The following SHLD3 variants were observed in gnomAD, a reference collection of about 807,000 sequenced individuals.
The protein encoded by SHLD3 is REV7-interacting novel NHEJ regulator 1.
Under a neutral mutation model 21.4 loss-of-function variants are expected in SHLD3, and 15 were observed. That is an observed-to-expected ratio of 0.70 (90% CI 0.47 to 1.08). The LOEUF (loss-of-function observed/expected upper bound fraction) is 1.08, where lower values mean the gene tolerates loss of function less well. Among genes scored for constraint, SHLD3 ranks in the 50% least tolerant of loss-of-function variants. The pLI, the probability that SHLD3 is intolerant of heterozygous loss-of-function variation, is 0.00. For missense variants in SHLD3, 273 were observed against 286.1 expected, an observed-to-expected ratio of 0.95 and a Z score of 0.33; for synonymous variants, 103 against 97.2, an observed-to-expected ratio of 1.06 and a Z score of -0.35.
chr5:65,629,725 G>A lies in SHLD3; in HGVS notation c.138G>A (p.Gly46=), dbSNP rs1223877047. The A allele has an allele frequency of 6.5e-6, 10 of 1,535,934 alleles. No individual in the cohort carries two copies. The highest frequency in any genetic ancestry group is 8.7e-6 in the Non-Finnish European group (10 of 1,146,908). The change falls in exon 2 of 2, where the codon GGG becomes GGA. Residue 46 remains glycine, a synonymous_variant. Transcript: ENST00000510585. The part of the protein sequence containing the change: ...SRFIPWFPYD[G]SKLPLRPKRS... ...TTATACCTTGGTTTCCATATGATGG[G>A]TCCAAGCTTCCACTCAGACCTAAAA...
chr5:65,627,626 A>C (rs552774714), intron 1 of SHLD3, among the ~76,000 whole-genome samples: 2,061 of 110,580 alleles, frequency 0.019, 49 homozygotes, highest in African/African-American at 0.086. Context: ...ACTCTGTCTC[A>C]AAAAAAAAAA....
At chr5:65,626,604 C>T (rs1429813277) in intron 1 of SHLD3, among the ~76,000 whole-genome samples, 1 of 151,934 alleles carries the variant, frequency 6.6e-6, no homozygotes, top group Non-Finnish European at 1.5e-5. Flanking sequence ...GGCGTGGTGG[C>T]GGGCGCCTGT....
Position 65,630,183 on chromosome 5 carries a change from C to A in SHLD3, c.596C>A (p.Ser199Tyr), listed in dbSNP as rs1475177775. The change falls in exon 2 of 2, where the codon TCT becomes TAT. Residue 199 changes from serine to tyrosine, a missense_variant. Transcript: ENST00000510585. The stretch of plus-strand genomic sequence containing the variant: ...ATTATTAGGCACAATGAACTTCCAT[C>A]TTGTAATGCTACAATTCAGAGGCAT... ...NQIIRHNELP[S>Y]CNATIQRHLG... The A allele has an allele frequency of 6.5e-7, 1 of 1,535,976 alleles. No homozygotes were observed. Among genetic ancestry groups the A allele is most frequent in the Non-Finnish European group, 8.7e-7 (1 of 1,146,842 alleles).
At chr5:65,626,553 T>G (rs1045738756) in intron 1 of SHLD3, among the ~76,000 whole-genome samples, 2 of 152,100 alleles carry the variant, frequency 1.3e-5, no homozygotes, top group East Asian at 1.9e-4. Flanking sequence ...CTGGCTAACA[T>G]AGTGAAACCC....
At chr5:65,625,203 C>A in intron 1 of SHLD3, 97 bp downstream of exon 1, 1 of 1,020,970 alleles carries the variant, frequency 9.8e-7, no homozygotes, top group Non-Finnish European at 1.6e-6. Flanking sequence ...CTTAAACACT[C>A]AGTGCTCGCC....
chr5:65,629,504 T>A lies in SHLD3; in HGVS notation c.-84T>A. The A allele has an allele frequency of 2.1e-6, 3 of 1,438,968 alleles. No individual in the cohort carries two copies. The highest frequency in any genetic ancestry group is 2.7e-6 in the Non-Finnish European group (3 of 1,101,678). The allele number at this position is 1,438,968 out of a possible 1,614,324, so 89.1% of individuals were successfully genotyped here. A position where few individuals can be genotyped will look rare whatever the true frequency, so the allele number is the denominator to read the frequency against. On this transcript the variant is annotated 5_prime_UTR_variant, in exon 2 of 2. It adds an upstream start codon to the 5' untranslated region. Coordinates refer to ENST00000510585, the MANE Select transcript of SHLD3 (RefSeq NM_001365341.2). ...CTCTGATTTGGCAAGAGAGACAATC[T>A]TGCAATAATAAATTAACATTCTAGC...
rs773933994 is a variant in SHLD3, at chr5:65,630,320, G to T, written c.733G>T (p.Gly245Cys). The T allele has an allele frequency of 4.6e-6, 7 of 1,518,132 alleles. No homozygotes were observed. Among genetic ancestry groups the T allele is most frequent in the Non-Finnish European group, 6.2e-6 (7 of 1,136,064 alleles). The allele number at this position is 1,518,132 out of a possible 1,614,324, so 94.0% of individuals were successfully genotyped here. Residue 245 changes from glycine to cysteine, a missense_variant, in exon 2 of 2, where the codon GGT becomes TGT. Gly to Cys is a radical substitution (Grantham distance 159). Transcript: ENST00000510585. ...GKINLFVHKY[G>C]VIFSM ...AATTAATTTATTTGTGCATAAATAT[G>T]GTGTTATTTTTAGTATGTAATGAAT...
rs887201581 is a variant in SHLD3, at chr5:65,630,854, G to A, written c.*514G>A. ...TGTATACTTTGCCTAAAACGATAAT[G>A]TATCCTGTTTTGAAGGAAAGTATCA... On this transcript the variant is annotated 3_prime_UTR_variant, in exon 2 of 2. Transcript: ENST00000510585. 4 of 201,996 alleles carry A rather than the reference G, an allele frequency of 2.0e-5. No individual in the cohort carries two copies. Among genetic ancestry groups the A allele is most frequent in the Non-Finnish European group, 3.5e-5 (4 of 113,518 alleles). The allele number at this position is 201,996 out of a possible 1,614,324, so 12.5% of individuals were successfully genotyped here.
intron 1 of SHLD3, chr5:65,626,312 G>C (rs1478851125): frequency 6.6e-6 from 1 of 152,206 alleles, no homozygotes; most frequent in Non-Finnish European, 1.5e-5. Flanking sequence ...CTCTTTCCAA[G>C]AGTCCGTGTT....
chr5:65,625,392 A>G, intron 1 of SHLD3: 1 of 409,998 alleles, frequency 2.4e-6, no homozygotes, highest in Non-Finnish European at 4.4e-6. Context: ...TACCGTGGAG[A>G]TCTCTGTGAA....
At chr5:65,625,128 T>TC in intron 1 of SHLD3, 22 bp downstream of exon 1, 1 of 1,605,396 alleles carries the variant, frequency 6.2e-7, no homozygotes, top group Non-Finnish European at 8.5e-7. Flanking sequence ...CGAACCTGAT[T>TC]CCCCCTTTTC....
rs189764790 is a variant in SHLD3, at chr5:65,630,650, T to G, written c.*310T>G. On this transcript the variant is annotated 3_prime_UTR_variant, in exon 2 of 2. Transcript: ENST00000510585. ...ATCTCTAAAATCTAATTTTACTGTATTTTTTTCCTTACCTCAAGTGTAATT... is the reference window on the plus strand; with the variant it reads ...ATCTCTAAAATCTAATTTTACTGTAGTTTTTTCCTTACCTCAAGTGTAATT... 4 of 1,018,694 alleles carry G rather than the reference T, an allele frequency of 3.9e-6. No individual in the cohort carries two copies. In the East Asian group the frequency reaches 2.7e-4, roughly 69 times the overall value. 63.1% of individuals were successfully genotyped at this position (1,018,694 alleles called of 1,614,324 possible).
At position 65,630,424 on chromosome 5, in the gene SHLD3, A is replaced by G. The variant is rs1283589550; in HGVS notation, c.*84A>G. On this transcript the variant is annotated 3_prime_UTR_variant, in exon 2 of 2. Transcript: ENST00000510585. ...GATAAAATAATTTTTACAGGTTTTA[A>G]AATTTTTAATGACTTTTTAGAATTC... 1 of 1,404,438 alleles carries G rather than the reference A, an allele frequency of 7.1e-7. No individual in the cohort carries two copies. The highest frequency in any genetic ancestry group is 9.2e-7 in the Non-Finnish European group (1 of 1,086,138). 87.0% of individuals were successfully genotyped at this position (1,404,438 alleles called of 1,614,324 possible).
At chr5:65,628,658 G>A (rs932228942) in intron 1 of SHLD3, among the ~76,000 whole-genome samples, 7 of 151,582 alleles carry the variant, frequency 4.6e-5, no homozygotes, top group Non-Finnish European at 8.8e-5. Flanking sequence ...CTTTAGTAGA[G>A]CCGGAGTTTC....
At chr5:65,625,741 G>A (rs1165433918) in intron 1 of SHLD3, among the ~76,000 whole-genome samples, 2 of 151,708 alleles carry the variant, frequency 1.3e-5, no homozygotes, top group African/African-American at 4.8e-5. Context: ...TTTTTTTAAT[G>A]CCTATTTTCT....
At chr5:65,627,459 G>A (rs1283218068) in intron 1 of SHLD3, among the ~76,000 whole-genome samples, 3 of 151,956 alleles carry the variant, frequency 2.0e-5, no homozygotes, top group Non-Finnish European at 4.4e-5. Context: ...ATGAAACCCC[G>A]TCTCTACTGA....
chr5:65,626,956 A>G (rs1755263731), intron 1 of SHLD3, among the ~76,000 whole-genome samples: 1 of 151,912 alleles, frequency 6.6e-6, no homozygotes, highest in Non-Finnish European at 1.5e-5. Context: ...CCTGGCCAAC[A>G]TGGCGAAAAC....
intron 1 of SHLD3, chr5:65,625,841 T>G (rs1755198459): frequency 6.6e-6 from 1 of 152,234 alleles, no homozygotes; most frequent in African/African-American, 2.4e-5. Flanking sequence ...TGCCTTAATA[T>G]ATGGTTAACA....
At chr5:65,628,353 C>A (rs1755344197) in intron 1 of SHLD3, among the ~76,000 whole-genome samples, 1 of 152,080 alleles carries the variant, frequency 6.6e-6, no homozygotes, top group Non-Finnish European at 1.5e-5. Context: ...CCTGGTTAAA[C>A]CATATTAGCA....
Sources: gnomAD v4.1 joint callset for allele counts (sites outside exome capture counted in the v4.1 genomes callset) on GRCh38, gnomAD v4.1.1 for gene constraint, MANE v1.5 for transcripts, NCBI Gene and HGNC (gene_info 2026-07-23, HGNC 2026-07-21) for gene names.